Variants in HYCC1 observed in about 807,000 individuals in gnomAD.
The protein encoded by HYCC1 is hyccin.
the HYCC1 span, among the ~76,000 whole-genome samples, chr7:22,953,437 C>T: frequency 2.0e-5 from 3 of 151,820 alleles, no homozygotes; most frequent in African/African-American, 2.4e-5. Context: ...CAATAATTTA[C>T]GAACAAGTTT....
At chr7:22,989,623 G>C in the HYCC1 span, among the ~76,000 whole-genome samples, 25 of 151,928 alleles carry the variant, frequency 1.6e-4, 1 homozygote, top group Admixed American at 1.5e-3. Context: ...CTCTCAAAGT[G>C]CTGGGATTAC....
the HYCC1 span, among the ~76,000 whole-genome samples, chr7:23,004,442 T>C: frequency 1.3e-5 from 2 of 152,200 alleles, no homozygotes; most frequent in African/African-American, 2.4e-5. Flanking sequence ...ATGGAGAGCA[T>C]CTGCTTTAAT....
the HYCC1 span, among the ~76,000 whole-genome samples, chr7:22,916,815 T>C: frequency 2.0e-5 from 3 of 152,170 alleles, no homozygotes; most frequent in Admixed American, 2.0e-4. Context: ...CTCCACTACC[T>C]CTCAGCAAGC....
chr7:22,914,260 T>C, the HYCC1 span, among the ~76,000 whole-genome samples: 39 of 152,002 alleles, frequency 2.6e-4, 1 homozygote, highest in Non-Finnish European at 5.9e-5. Flanking sequence ...GGCAAGTCAA[T>C]TGCGGGGACG....
At chr7:22,974,318 T>C in the HYCC1 span, among the ~76,000 whole-genome samples, 1 of 152,196 alleles carries the variant, frequency 6.6e-6, no homozygotes, top group Non-Finnish European at 1.5e-5. Context: ...ATGGTAGACA[T>C]TTACAATATA....
chr7:22,946,651 G>C, the HYCC1 span, among the ~76,000 whole-genome samples: 1 of 151,852 alleles, frequency 6.6e-6, no homozygotes, highest in Non-Finnish European at 1.5e-5. Flanking sequence ...AATATCACAA[G>C]CTCAAACATA....
the HYCC1 span, among the ~76,000 whole-genome samples, chr7:22,929,323 AAG>A: frequency 6.6e-6 from 1 of 152,242 alleles, no homozygotes; most frequent in South Asian, 2.1e-4. Context: ...ATGGCAACAA[AAG>A]TGAAAATTGA....
chr7:22,984,588 G>A, the HYCC1 span, among the ~76,000 whole-genome samples: 1 of 152,106 alleles, frequency 6.6e-6, no homozygotes, highest in East Asian at 1.9e-4. Flanking sequence ...TGGGCATGGT[G>A]GCATATGCCT....
the HYCC1 span, chr7:22,977,445 T>C: frequency 4.5e-5 from 58 of 1,275,050 alleles, no homozygotes; most frequent in Non-Finnish European, 6.4e-5. Context: ...AGAAAATATA[T>C]TAAAATACAT....
At chr7:22,946,576 C>CT in the HYCC1 span, among the ~76,000 whole-genome samples, 2 of 151,984 alleles carry the variant, frequency 1.3e-5, no homozygotes, top group Middle Eastern at 3.4e-3. Context: ...ACTTTAAAGA[C>CT]TTTTTTAGAA....
At chr7:22,907,547 T>C in the HYCC1 span, among the ~76,000 whole-genome samples, 2 of 152,200 alleles carry the variant, frequency 1.3e-5, no homozygotes, top group Admixed American at 1.3e-4. Flanking sequence ...TCTAAACAAA[T>C]AATCATAAGG....
At chr7:22,957,022 T>C in the HYCC1 span, among the ~76,000 whole-genome samples, 58 of 152,024 alleles carry the variant, frequency 3.8e-4, no homozygotes, top group Non-Finnish European at 7.5e-4. Context: ...CGTTACAGAA[T>C]CCTAAAATAC....
the HYCC1 span, chr7:22,945,180 A>T: frequency 3.9e-6 from 1 of 256,632 alleles, no homozygotes; most frequent in East Asian, 1.1e-4. Flanking sequence ...ACTCCCTTTG[A>T]CTCTGAAGGC....
the HYCC1 span, among the ~76,000 whole-genome samples, chr7:22,965,768 C>T: frequency 1.3e-5 from 2 of 151,978 alleles, no homozygotes; most frequent in Admixed American, 6.6e-5. Context: ...AGGTGCATGT[C>T]ACCACACCTA....
At chr7:22,925,251 C>T in the HYCC1 span, among the ~76,000 whole-genome samples, 5 of 151,992 alleles carry the variant, frequency 3.3e-5, no homozygotes, top group South Asian at 2.1e-4. Context: ...GCAGAAAAAC[C>T]GGAAACTCTA....
the HYCC1 span, among the ~76,000 whole-genome samples, chr7:22,980,735 T>A: frequency 6.6e-6 from 1 of 152,146 alleles, no homozygotes; most frequent in Non-Finnish European, 1.5e-5. Context: ...CAGCAGCTAC[T>A]GGTACCGGAC....
At chr7:22,913,928 C>T in the HYCC1 span, among the ~76,000 whole-genome samples, 1 of 152,208 alleles carries the variant, frequency 6.6e-6, no homozygotes, top group East Asian at 1.9e-4. Flanking sequence ...ACCTCAGGTC[C>T]TCAGAACAAC....
chr7:22,905,386 A>ATTTTTTTTT, the HYCC1 span, among the ~76,000 whole-genome samples: 9 of 44,470 alleles, frequency 2.0e-4, 1 homozygote, highest in African/African-American at 5.5e-4. Flanking sequence ...CTAATTTTGT[A>ATTTTTTTTT]TTTTTTTTTT....
chr7:22,977,948 G>T, the HYCC1 span, among the ~76,000 whole-genome samples: 1 of 152,090 alleles, frequency 6.6e-6, no homozygotes, highest in Non-Finnish European at 1.5e-5. Context: ...TTCTGTGAAG[G>T]TCAGAAACAG....
Sources: allele counts gnomAD v4.1 joint callset (sites outside exome capture counted in the v4.1 genomes callset), GRCh38; gene constraint gnomAD v4.1.1; transcripts MANE v1.5; gene names NCBI Gene and HGNC (gene_info 2026-07-23, HGNC 2026-07-21).